The following CYBB variants were observed in gnomAD, a reference collection of about 807,000 sequenced individuals.
The protein encoded by CYBB is cytochrome b-245 beta chain.
CYBB carries 5 observed loss-of-function variants against 46.5 expected under a neutral mutation model. The observed-to-expected ratio is 0.11, with a 90% confidence interval of 0.06 to 0.23. CYBB has a LOEUF of 0.23. Ranked by LOEUF, CYBB falls within the 10% of genes least tolerant of loss-of-function variation. The probability of loss-of-function intolerance (pLI) is 1.00; values close to 1 mark genes in which losing one functional copy is unlikely to be tolerated. For missense variants in CYBB, 307 were observed against 428.3 expected (o/e 0.72, Z 2.50); for synonymous variants, 183 against 156.7 (o/e 1.17, Z -1.26).
At chrX:37,799,913 TA>T (rs1556469442) in intron 7 of CYBB, among the ~76,000 whole-genome samples, 1 of 111,228 alleles carries the variant, frequency 9.0e-6, no homozygotes, top group Non-Finnish European at 1.9e-5. Flanking sequence ...CAGTATAACA[TA>T]AAGGCAAATT....
At chrX:37,788,313 A>AAAT (rs1395203753) in intron 3 of CYBB, among the ~76,000 whole-genome samples, 8 of 112,061 alleles carry the variant, frequency 7.1e-5, no homozygotes, top group African/African-American at 2.6e-4. Context: ...ATTTGTCAAC[A>AAAT]AATAGAAAAG....
chrX:37,809,635 G>A lies in CYBB; in HGVS notation c.1530G>A (p.Leu510=). ...DVITGLKQKT[L]YGRPNWDNEF... is the part of the protein sequence containing the mutation. Reference sequence around the variant, plus strand: ...TCACAGGCCTGAAACAAAAGACTTTGTATGGACGGCCCAACTGGGATAATG... The same window carrying A: ...TCACAGGCCTGAAACAAAAGACTTTATATGGACGGCCCAACTGGGATAATG... Residue 510 remains leucine, a synonymous_variant, in exon 12 of 13, where the codon TTG becomes TTA. Transcript: ENST00000378588. 8.3e-7 allele frequency: 1 copy of A among 1,206,942 alleles called. No homozygotes were observed. Among genetic ancestry groups the A allele is most frequent in the Non-Finnish European group, 1.1e-6 (1 of 892,736 alleles).
chrX:37,784,861 G>C (rs1223843325), intron 3 of CYBB, among the ~76,000 whole-genome samples: 15 of 111,662 alleles, frequency 1.3e-4, no homozygotes, highest in African/African-American at 4.9e-4. Context: ...GATTTTACTG[G>C]TAAACTAGAA....
rs1929706260 is a variant in CYBB at position 37,813,064 on chromosome X, G to C, written c.*2147G>C. 9.0e-6 allele frequency: 1 copy of C among 111,460 alleles called. No homozygotes were observed. The highest frequency in any genetic ancestry group is 1.9e-5 in the Non-Finnish European group (1 of 53,110). The allele number at this position is 111,460 out of a possible 1,213,427, so 9.2% of individuals were successfully genotyped here. ...GTTTTCTATCTTCAAAACCAACTAAGTTATGAAAGTAGAGAGATCTGCCCT... is the reference window on the plus strand; with the variant it reads ...GTTTTCTATCTTCAAAACCAACTAACTTATGAAAGTAGAGAGATCTGCCCT... On this transcript the variant is annotated 3_prime_UTR_variant, in exon 13 of 13. Coordinates refer to ENST00000378588, the MANE Select transcript of CYBB (RefSeq NM_000397.4).
chrX:37,785,590 G>T (rs1447021147), intron 3 of CYBB, among the ~76,000 whole-genome samples: 1 of 111,405 alleles, frequency 9.0e-6, no homozygotes, highest in African/African-American at 3.3e-5. Context: ...TATCACCCAG[G>T]CTGGAGTGCA....
chrX:37,780,772 A>C (rs1251743534), intron 1 of CYBB, among the ~76,000 whole-genome samples: 1 of 110,777 alleles, frequency 9.0e-6, no homozygotes, highest in Non-Finnish European at 1.9e-5. Context: ...CTATGTAAGT[A>C]AAGATATAGC....
At chrX:37,802,710 A>G (rs1485906388) in intron 8 of CYBB, among the ~76,000 whole-genome samples, 4 of 112,285 alleles carry the variant, frequency 3.6e-5, no homozygotes, top group Non-Finnish European at 7.5e-5. Context: ...CAAGTTCTGG[A>G]AACGTTTGAC....
chrX:37,797,126 CA>C lies in CYBB; in HGVS notation c.674+986del, dbSNP rs782118095. 2.3e-3 allele frequency among the ~76,000 whole-genome samples: 250 copies of C among 111,110 alleles called. 1 individual carries two copies. Among genetic ancestry groups the C allele is most frequent in the African/African-American group, 7.6e-3 (232 of 30,530 alleles). On this transcript the variant is annotated intron_variant, in intron 6 of 12. Transcript: ENST00000378588. ...CCCAGAGCCCAGTTGGTGGCCAAGA[CA>C]TGACTGTGAAAAAGGGGAAGGGTGG...
At position 37,806,389 on chromosome X, in the gene CYBB, C is replaced by T. The variant is rs782552385; in HGVS notation, c.1317C>T (p.Ile439=). ...TTCATGATCCACCCCATTTTCAGAT[C>T]TACTTCTACTGGCTGTGCCGGGACA... ...NNATNLKLKK[I]YFYWLCRDTH... is the part of the protein sequence containing the mutation. The change falls in exon 11 of 13, where the codon ATC becomes ATT. Residue 439 remains isoleucine (I), a splice_region_variant and synonymous_variant. Coordinates refer to ENST00000378588, the MANE Select transcript of CYBB (RefSeq NM_000397.4). 2 of 1,210,866 alleles carry T rather than the reference C, an allele frequency of 1.7e-6. No homozygotes were observed. Among genetic ancestry groups the T allele is most frequent in the Admixed American group, 2.2e-5 (1 of 46,001 alleles).
At chrX:37,786,887 T>C (rs1335108958) in intron 3 of CYBB, among the ~76,000 whole-genome samples, 1 of 110,928 alleles carries the variant, frequency 9.0e-6, no homozygotes, top group Non-Finnish European at 1.9e-5. Context: ...ACTAGTCTCT[T>C]GGGCTTTCTG....
intron 3 of CYBB, among the ~76,000 whole-genome samples, chrX:37,786,404 A>G (rs1556465552): frequency 8.9e-6 from 1 of 112,065 alleles, no homozygotes; most frequent in Non-Finnish European, 1.9e-5. Context: ...AAGCCATTAT[A>G]TATATGAGTG....
intron 7 of CYBB, 73 bp downstream of exon 7, chrX:37,799,157 C>T: frequency 6.1e-6 from 6 of 983,299 alleles, no homozygotes; most frequent in Non-Finnish European, 8.7e-6. Flanking sequence ...GAAACATGTA[C>T]AGATGTTATA....
rs58302662 is a variant in CYBB at position 37,801,586 on chromosome X, TTGTG to T, written c.897+278_897+281del. ...TCTGGACATCAATCTCCCCCACCCA[TTGTG>T]TGTGTGTGTGTGTGTGTGTGTGTGT... On this transcript the variant is annotated intron_variant, in intron 8 of 12. Coordinates refer to ENST00000378588, the MANE Select transcript of CYBB (RefSeq NM_000397.4). Among the ~76,000 whole-genome samples, 1,658 of 84,508 alleles carry T rather than the reference TTGTG, an allele frequency of 0.02. 21 individuals are homozygous for T. Among genetic ancestry groups the T allele is most frequent in the South Asian group, 0.046 (75 of 1,641 alleles). The allele number at this position is 84,508 out of a possible 115,157, so 73.4% of individuals were successfully genotyped here. A position where few individuals can be genotyped will look rare whatever the true frequency, so the allele number is the denominator to read the frequency against.
chrX:37,793,205 G>A (rs1481324860), intron 4 of CYBB, among the ~76,000 whole-genome samples: 1 of 107,812 alleles, frequency 9.3e-6, no homozygotes, highest in Non-Finnish European at 1.9e-5. Flanking sequence ...AATCAAATTT[G>A]TCATCTCTCT....
At chrX:37,810,243 C>T (rs1307590217) in intron 12 of CYBB, among the ~76,000 whole-genome samples, 15 of 111,927 alleles carry the variant, frequency 1.3e-4, no homozygotes, top group African/African-American at 4.5e-4. Context: ...TTGCTTTTTG[C>T]ACTGTAAGGA....
At position 37,783,541 on chromosome X, in the gene CYBB, A is replaced by C; in HGVS notation, c.193A>C (p.Met65Leu). Residue 65 changes from methionine to leucine, a missense_variant, in exon 3 of 13, where the codon ATG becomes CTG. By Grantham distance (15) the Met-to-Leu change is conservative. Coordinates refer to ENST00000378588, the MANE Select transcript of CYBB (RefSeq NM_000397.4). ...APAACLNFNC[M>L]LILLPVCRNL... ...TGCAGCCTGCCTGAATTTCAACTGCATGCTGATTCTCTTGCCAGTCTGTCG... is the reference window on the plus strand; with the variant it reads ...TGCAGCCTGCCTGAATTTCAACTGCCTGCTGATTCTCTTGCCAGTCTGTCG... 8.3e-7 allele frequency: 1 copy of C among 1,210,733 alleles called. No homozygotes were observed. Among genetic ancestry groups the C allele is most frequent in the East Asian group, 3.0e-5 (1 of 33,869 alleles).
chrX:37,800,443 A>G (rs1317919950), intron 7 of CYBB, among the ~76,000 whole-genome samples: 3 of 111,714 alleles, frequency 2.7e-5, no homozygotes, highest in Non-Finnish European at 5.7e-5. Flanking sequence ...TATAAAAGTA[A>G]TCTAGTAGAA....
chrX:37,782,357 G>C (rs1189233149), intron 2 of CYBB, among the ~76,000 whole-genome samples, 174 bp downstream of exon 2: 3 of 112,285 alleles, frequency 2.7e-5, no homozygotes, highest in African/African-American at 9.7e-5. Context: ...AAGCCTTCCA[G>C]TCTGGGACCA....
chrX:37,798,443 T>C (rs1315585031), intron 6 of CYBB: 1 of 125,564 alleles, frequency 8.0e-6, no homozygotes, highest in Non-Finnish European at 1.6e-5. Context: ...AGGCACTTCT[T>C]GTAAGCTTCA....
Sources: allele counts gnomAD v4.1 joint callset (sites outside exome capture counted in the v4.1 genomes callset), GRCh38; gene constraint gnomAD v4.1.1; transcripts MANE v1.5; gene names NCBI Gene and HGNC (gene_info 2026-07-23, HGNC 2026-07-21).